The following UBASH3B variants were observed in gnomAD, a reference collection of about 807,000 sequenced individuals.
UBASH3B encodes ubiquitin-associated and SH3 domain-containing protein B.
Under a neutral mutation model 83.4 loss-of-function variants are expected in UBASH3B, and 37 were observed. That is an observed-to-expected ratio of 0.44 (90% CI 0.34 to 0.58). The LOEUF (loss-of-function observed/expected upper bound fraction) is 0.58. Among genes scored for constraint, UBASH3B ranks in the 20% least tolerant of loss-of-function variants. UBASH3B has a pLI of 0.01. For synonymous variants in UBASH3B, 304 were observed against 318.3 expected (o/e 0.96, Z 0.48); for missense variants, 657 against 827.2 (o/e 0.79, Z 2.52).
intron 1 of UBASH3B, among the ~76,000 whole-genome samples, chr11:122,686,450 C>G (rs1277304159): frequency 1.3e-5 from 2 of 152,176 alleles, no homozygotes; most frequent in African/African-American, 4.8e-5. Context: ...AACCGGGATC[C>G]AAGGATGTGT....
chr11:122,740,295 A>G (rs910639055), intron 1 of UBASH3B, among the ~76,000 whole-genome samples: 1 of 152,214 alleles, frequency 6.6e-6, no homozygotes, highest in Non-Finnish European at 1.5e-5. Flanking sequence ...CAAATCTGGC[A>G]TTTGAACTGC....
At chr11:122,809,355 G>A (rs1443239837) in intron 13 of UBASH3B, among the ~76,000 whole-genome samples, 1 of 152,196 alleles carries the variant, frequency 6.6e-6, no homozygotes, top group African/African-American at 2.4e-5. Context: ...GATTACAGGC[G>A]TGAGCCACTG....
intron 4 of UBASH3B, among the ~76,000 whole-genome samples, chr11:122,780,610 G>A (rs1439094618): frequency 6.6e-6 from 1 of 152,246 alleles, no homozygotes; most frequent in African/African-American, 2.4e-5. Flanking sequence ...GCCAGGCCCT[G>A]TGTAACATCA....
Position 122,777,269 on chromosome 11 carries a change from T to C in UBASH3B, c.402+59T>C, listed in dbSNP as rs1343996910. The stretch of plus-strand genomic sequence containing the variant: ...GGCTCCTAGGATCCCAGCCGGCCCT[T>C]TGGGACCTGGAGCAAAGGGAGGCCT... On this transcript the variant is annotated intron_variant, in intron 3 of 13. Coordinates refer to ENST00000284273, the MANE Select transcript of UBASH3B (RefSeq NM_032873.5). 2.6e-6 allele frequency: 4 copies of C among 1,538,188 alleles called. No individual in the cohort carries two copies. The African/African-American group carries it at 5.6e-5, about 21-fold the overall frequency.
chr11:122,686,035 G>A (rs534818108), intron 1 of UBASH3B, among the ~76,000 whole-genome samples: 7 of 152,226 alleles, frequency 4.6e-5, no homozygotes, highest in African/African-American at 1.4e-4. Flanking sequence ...CCTGCCTGGC[G>A]CTCTTTCTGC....
rs1251919066 is a variant in UBASH3B, at chr11:122,777,213, G to A, written c.402+3G>A. The A allele has an allele frequency of 3.7e-6, 6 of 1,606,400 alleles. No individual in the cohort carries two copies. The Admixed American group carries it at 1.0e-4, about 27-fold the overall frequency. On this transcript the variant is annotated splice_donor_region_variant and intron_variant, in intron 3 of 13. Transcript: ENST00000284273. The stretch of plus-strand genomic sequence containing the variant: ...TCACACTCTGCCAGTTCTTTATGGT[G>A]AGCGGCAGCGCCCCCACCCCTGGGA...
chr11:122,773,377 G>A (rs555170611), intron 1 of UBASH3B, among the ~76,000 whole-genome samples: 1 of 152,252 alleles, frequency 6.6e-6, no homozygotes, highest in Non-Finnish European at 1.5e-5. Flanking sequence ...AGCAAGGTTT[G>A]TCTATGGCTC....
At chr11:122,760,616 C>T (rs1355617420) in intron 1 of UBASH3B, among the ~76,000 whole-genome samples, 1 of 152,186 alleles carries the variant, frequency 6.6e-6, no homozygotes, top group Admixed American at 6.5e-5. Flanking sequence ...CCACCTTGGC[C>T]TCCCAAAATG....
intron 1 of UBASH3B, among the ~76,000 whole-genome samples, chr11:122,705,643 C>T (rs536097210): frequency 2.0e-5 from 3 of 152,190 alleles, no homozygotes; most frequent in South Asian, 4.1e-4. Context: ...TTGCCCCAGG[C>T]GCTACCGTCA....
intron 1 of UBASH3B, among the ~76,000 whole-genome samples, chr11:122,666,475 A>G (rs1340681176): frequency 6.6e-6 from 1 of 151,904 alleles, no homozygotes; most frequent in Non-Finnish European, 1.5e-5. Context: ...CTGGAGTGCA[A>G]TGGCACGATC....
chr11:122,716,727 A>G (rs1254117985), intron 1 of UBASH3B, among the ~76,000 whole-genome samples: 2 of 152,160 alleles, frequency 1.3e-5, no homozygotes, highest in African/African-American at 4.8e-5. Flanking sequence ...TGCAACCACA[A>G]TGTCACCCAG....
At chr11:122,745,866 C>T (rs915978327) in intron 1 of UBASH3B, among the ~76,000 whole-genome samples, 4 of 152,196 alleles carry the variant, frequency 2.6e-5, no homozygotes, top group African/African-American at 9.7e-5. Context: ...ATAGGTGACC[C>T]ACCTGCATGC....
intron 1 of UBASH3B, among the ~76,000 whole-genome samples, chr11:122,675,091 A>G (rs549067723): frequency 3.3e-4 from 50 of 152,300 alleles, no homozygotes; most frequent in African/African-American, 1.1e-3. Flanking sequence ...AACATGCACC[A>G]TGATTAAGTG....
intron 1 of UBASH3B, among the ~76,000 whole-genome samples, chr11:122,712,474 C>G (rs758974630): frequency 6.6e-5 from 10 of 152,138 alleles, no homozygotes; most frequent in Non-Finnish European, 1.2e-4. Context: ...CCAAATGGAC[C>G]CAGGGGCTCT....
chr11:122,804,631 A>G (rs1488903579), intron 11 of UBASH3B, among the ~76,000 whole-genome samples: 1 of 152,076 alleles, frequency 6.6e-6, no homozygotes, highest in African/African-American at 2.4e-5. Context: ...TGCTGGGAGG[A>G]TTAGACCGAA....
intron 1 of UBASH3B, among the ~76,000 whole-genome samples, chr11:122,706,090 T>G (rs1864115145): frequency 6.7e-6 from 1 of 149,820 alleles, no homozygotes; most frequent in Admixed American, 6.8e-5. Context: ...TTACCAAAGC[T>G]CTAATTCTTT....
At chr11:122,723,400 C>T (rs1005533650) in intron 1 of UBASH3B, among the ~76,000 whole-genome samples, 3 of 152,312 alleles carry the variant, frequency 2.0e-5, no homozygotes, top group South Asian at 4.1e-4. Flanking sequence ...GTCTCCAAAC[C>T]TGATTTCATT....
intron 1 of UBASH3B, among the ~76,000 whole-genome samples, chr11:122,666,170 T>A (rs1201098768): frequency 6.6e-6 from 1 of 152,182 alleles, no homozygotes. Context: ...GGGTGAACCT[T>A]CTTGGTGATT....
At chr11:122,690,032 G>A (rs970950249) in intron 1 of UBASH3B, among the ~76,000 whole-genome samples, 2 of 151,544 alleles carry the variant, frequency 1.3e-5, no homozygotes, top group East Asian at 2.0e-4. Flanking sequence ...TCTTCCCCCA[G>A]GGTGGGACAT....
Sources: allele counts gnomAD v4.1 joint callset (sites outside exome capture counted in the v4.1 genomes callset), GRCh38; gene constraint gnomAD v4.1.1; transcripts MANE v1.5; gene names NCBI Gene and HGNC (gene_info 2026-07-23, HGNC 2026-07-21).